The following DDX10 variants were observed in gnomAD, a reference collection of about 807,000 sequenced individuals.
The protein encoded by DDX10 is probable ATP-dependent RNA helicase DDX10.
DDX10 carries 74 observed loss-of-function variants against 104.3 expected under a neutral mutation model. That is an observed-to-expected ratio of 0.71 (90% CI 0.59 to 0.86). DDX10 has a LOEUF of 0.86. DDX10 is among the 40% of genes least tolerant of loss of function. The pLI is 0.00. For synonymous variants in DDX10, 351 were observed against 353.4 expected (o/e 0.99, Z 0.08); for missense variants, 952 against 1,040.0 (o/e 0.92, Z 1.16).
intron 4 of DDX10, 64 bp from the exon 5 acceptor site, chr11:108,678,251 G>T (rs2094228800): frequency 1.3e-6 from 2 of 1,532,622 alleles, no homozygotes; most frequent in South Asian, 2.6e-5. Context: ...GGCTTTTATA[G>T]CTTTGGTACA....
Position 108,723,330 on chromosome 11 carries a change from T to C in DDX10, c.1833T>C (p.Ser611=), listed in dbSNP as rs202030511. 1.1e-5 allele frequency: 18 copies of C among 1,613,906 alleles called. No homozygotes were observed. The highest frequency in any genetic ancestry group is 1.1e-4 in the African/African-American group (8 of 75,020). ...GSQAPSLPNT[S]EAQKIKEVPT... ...AAGCCCCATCTCTTCCTAACACCAG[T>C]GAGGCACAGAAGATCAAGGAAGTTC... The change falls in exon 13 of 18, where the codon AGT becomes AGC. Residue 611 remains serine, a synonymous_variant. Transcript: ENST00000322536.
intron 16 of DDX10, among the ~76,000 whole-genome samples, chr11:108,861,482 T>A (rs965280373): frequency 6.6e-6 from 1 of 152,226 alleles, no homozygotes; most frequent in Non-Finnish European, 1.5e-5. Flanking sequence ...AAGGAATTAC[T>A]GCTACATCCA....
intron 1 of DDX10, among the ~76,000 whole-genome samples, chr11:108,667,913 A>T (rs1025973500): frequency 2.0e-5 from 3 of 152,152 alleles, no homozygotes; most frequent in South Asian, 2.1e-4. Flanking sequence ...TAACTTTTTT[A>T]AAAAAACTCT....
At chr11:108,911,840 A>G (rs1863684497) in intron 16 of DDX10, among the ~76,000 whole-genome samples, 1 of 152,084 alleles carries the variant, frequency 6.6e-6, no homozygotes, top group African/African-American at 2.4e-5. Flanking sequence ...TTGCCTCTTA[A>G]TACTATCACT....
intron 16 of DDX10, among the ~76,000 whole-genome samples, chr11:108,870,364 T>C (rs1863064605): frequency 6.6e-6 from 1 of 152,220 alleles, no homozygotes; most frequent in Non-Finnish European, 1.5e-5. Flanking sequence ...TCGCATATTA[T>C]AATTCTGTTC....
At chr11:108,910,495 T>C (rs11212810) in intron 16 of DDX10, among the ~76,000 whole-genome samples, 42,061 of 152,088 alleles carry the variant, frequency 0.28, 6,139 homozygotes, top group South Asian at 0.37. Flanking sequence ...AAAACAAAAA[T>C]AACCAGTCAG....
chr11:108,916,454 A>G (rs1052797749), intron 16 of DDX10, among the ~76,000 whole-genome samples: 1 of 151,996 alleles, frequency 6.6e-6, no homozygotes, highest in African/African-American at 2.4e-5. Context: ...GGACTTTTGC[A>G]GTGGTGACTA....
chr11:108,842,452 A>G (rs1862651581), intron 15 of DDX10, among the ~76,000 whole-genome samples: 1 of 152,200 alleles, frequency 6.6e-6, no homozygotes, highest in African/African-American at 2.4e-5. Context: ...TTTCACTCCT[A>G]TTTGACCTTT....
At chr11:108,836,174 T>G (rs1403670868) in intron 13 of DDX10, among the ~76,000 whole-genome samples, 3 of 152,206 alleles carry the variant, frequency 2.0e-5, no homozygotes. Flanking sequence ...GCAATTAATC[T>G]TTTCATTAGC....
At chr11:108,886,772 T>A (rs1213236542) in intron 16 of DDX10, among the ~76,000 whole-genome samples, 1 of 152,224 alleles carries the variant, frequency 6.6e-6, no homozygotes, top group Non-Finnish European at 1.5e-5. Context: ...GAATCTGTGT[T>A]CTTGTGTCGT....
chr11:108,673,392 C>T, intron 1 of DDX10, 75 bp from the exon 2 acceptor site: 1 of 923,934 alleles, frequency 1.1e-6, no homozygotes. Context: ...ATGAGCTGGG[C>T]AATACAATGT....
chr11:108,880,917 G>A (rs1483382430), intron 16 of DDX10, among the ~76,000 whole-genome samples: 2 of 152,042 alleles, frequency 1.3e-5, no homozygotes, highest in African/African-American at 4.8e-5. Context: ...TGTAGCCTAA[G>A]GCATTTTTAC....
At chr11:108,901,797 T>G (rs762730844) in intron 16 of DDX10, among the ~76,000 whole-genome samples, 1 of 152,160 alleles carries the variant, frequency 6.6e-6, no homozygotes, top group Non-Finnish European at 1.5e-5. Context: ...CCAAAATGTT[T>G]TACCACCTAT....
rs181247508 is a variant in DDX10 at position 108,821,769 on chromosome 11, A to G, written c.1966-16677A>G. ...TGTTAAATAATCTTTATTTGATATT[A>G]CACATAAACCACCCTAAAATGCCTT... On this transcript the variant is annotated intron_variant, in intron 13 of 17. Coordinates refer to ENST00000322536, the MANE Select transcript of DDX10 (RefSeq NM_004398.4). Among the ~76,000 whole-genome samples, 7 of 152,346 alleles carry G rather than the reference A, an allele frequency of 4.6e-5. No homozygotes were observed. In the East Asian group the frequency reaches 1.3e-3, roughly 29 times the overall value.
Position 108,718,536 on chromosome 11 carries a change from A to G in DDX10, c.1411-1261A>G, listed in dbSNP as rs148927820. Among the ~76,000 whole-genome samples the G allele has an allele frequency of 1.6e-3, 241 of 152,374 alleles. 1 individual carries two copies. The highest frequency in any genetic ancestry group is 2.3e-3 in the Non-Finnish European group (154 of 68,036). On this transcript the variant is annotated intron_variant, in intron 11 of 17. Coordinates refer to ENST00000322536, the MANE Select transcript of DDX10 (RefSeq NM_004398.4). ...ATTTTGGTATGTCATGACTTACTGC[A>G]TGCCTAAGAGGTCATTCAGTTATCT...
intron 13 of DDX10, among the ~76,000 whole-genome samples, chr11:108,757,934 T>A (rs1283697819): frequency 6.6e-6 from 1 of 152,100 alleles, no homozygotes; most frequent in African/African-American, 2.4e-5. Flanking sequence ...TTCCACTTCA[T>A]TGACCTGGCA....
chr11:108,849,639 C>G (rs1228238634), intron 15 of DDX10, among the ~76,000 whole-genome samples: 2 of 152,106 alleles, frequency 1.3e-5, no homozygotes, highest in African/African-American at 4.8e-5. Context: ...TCCCCTTATA[C>G]TTAATCATTT....
chr11:108,675,553 A>G, intron 2 of DDX10, 43 bp from the exon 3 acceptor site: 1 of 1,602,384 alleles, frequency 6.2e-7, no homozygotes, highest in Non-Finnish European at 8.5e-7. Flanking sequence ...ATACCATCCT[A>G]CAGGGATCTT....
chr11:108,917,801 G>T (rs1863770107), intron 16 of DDX10, 72 bp from the exon 17 acceptor site: 3 of 1,485,114 alleles, frequency 2.0e-6, no homozygotes, highest in Admixed American at 3.6e-5. Context: ...ATCCATTGGG[G>T]TCTGCAAATA....
Sources: gnomAD v4.1 joint callset for allele counts (sites outside exome capture counted in the v4.1 genomes callset) on GRCh38, gnomAD v4.1.1 for gene constraint, MANE v1.5 for transcripts, NCBI Gene and HGNC (gene_info 2026-07-23, HGNC 2026-07-21) for gene names.